NRG1: variants seen among roughly 807,000 people sequenced by gnomAD.
NRG1 encodes the protein neuregulin 1.
In NRG1, 18 loss-of-function variants were observed where a neutral mutation model predicts 63.8. The ratio of observed to expected loss-of-function variants is 0.28; its 90% CI spans 0.19 to 0.42. The LOEUF is 0.42. NRG1 is among the 10% of genes least tolerant of loss of function. NRG1 has a pLI of 1.00. For missense variants in NRG1, 762 were observed against 814.7 expected, an observed-to-expected ratio of 0.94 and a Z score of 0.79; for synonymous variants, 302 against 301.3, an observed-to-expected ratio of 1.00 and a Z score of -0.02.
intron 1 of NRG1, among the ~76,000 whole-genome samples, chr8:31,976,380 G>A (rs1046097730): frequency 6.6e-6 from 1 of 152,030 alleles, no homozygotes; most frequent in Non-Finnish European, 1.5e-5. Context: ...TACATATCTT[G>A]ATTAGCTAAT....
intron 1 of NRG1, among the ~76,000 whole-genome samples, chr8:32,151,164 G>A (rs1347061169): frequency 2.0e-5 from 3 of 152,054 alleles, no homozygotes; most frequent in Non-Finnish European, 4.4e-5. Context: ...ATGTACCAGG[G>A]AAAATAATGT....
chr8:32,160,368 C>A, intron 1 of NRG1, among the ~76,000 whole-genome samples: 1 of 152,200 alleles, frequency 6.6e-6, no homozygotes, highest in East Asian at 1.9e-4. Context: ...CCCCAGAGAT[C>A]ATTCTTATTT....
intron 1 of NRG1, among the ~76,000 whole-genome samples, chr8:31,854,589 G>A (rs1297071697): frequency 1.3e-5 from 2 of 151,888 alleles, no homozygotes; most frequent in Non-Finnish European, 2.9e-5. Flanking sequence ...TTTTTTGAAG[G>A]GTTTTTTGTG....
intron 1 of NRG1, among the ~76,000 whole-genome samples, chr8:32,348,907 G>A (rs1055708639): frequency 1.3e-5 from 2 of 152,212 alleles, no homozygotes; most frequent in Non-Finnish European, 2.9e-5. Context: ...TTTAAAAAAG[G>A]CCAATCAGAC....
chr8:31,821,975 A>T (rs552442889), intron 1 of NRG1, among the ~76,000 whole-genome samples: 1 of 152,248 alleles, frequency 6.6e-6, no homozygotes, highest in East Asian at 1.9e-4. Flanking sequence ...CTTTTTCTTT[A>T]TACATACACA....
chr8:32,122,595 G>A (rs1039181671), intron 1 of NRG1, among the ~76,000 whole-genome samples: 1 of 151,816 alleles, frequency 6.6e-6, no homozygotes, highest in African/African-American at 2.4e-5. Flanking sequence ...GAAGATTGTT[G>A]TTTGATTTGG....
At chr8:32,136,504 G>C (rs1835546006) in intron 1 of NRG1, among the ~76,000 whole-genome samples, 1 of 152,212 alleles carries the variant, frequency 6.6e-6, no homozygotes, top group East Asian at 1.9e-4. Context: ...ACTCTTCACA[G>C]ATAGTAGGCC....
chr8:32,589,880 A>T (rs1842221221), intron 1 of NRG1, among the ~76,000 whole-genome samples: 1 of 152,164 alleles, frequency 6.6e-6, no homozygotes, highest in Admixed American at 6.5e-5. Context: ...TCACCCATTA[A>T]ATTATTAGAA....
chr8:32,040,319 G>A (rs1819737144), intron 1 of NRG1, among the ~76,000 whole-genome samples: 1 of 152,068 alleles, frequency 6.6e-6, no homozygotes, highest in African/African-American at 2.4e-5. Flanking sequence ...AGCTACTCAA[G>A]GAATTGATTA....
chr8:31,855,202 A>G (rs905088796), intron 1 of NRG1, among the ~76,000 whole-genome samples: 40 of 152,152 alleles, frequency 2.6e-4, no homozygotes, highest in African/African-American at 8.7e-4. Context: ...GTCTAATGTT[A>G]ACAGTGGGGT....
chr8:31,744,548 C>T (rs758219126), intron 1 of NRG1, among the ~76,000 whole-genome samples: 6 of 151,822 alleles, frequency 4.0e-5, no homozygotes, highest in South Asian at 2.1e-4. Context: ...GCTCAGTTTC[C>T]GGTGGATTTA....
At chr8:32,520,667 G>A (rs1033274995) in intron 1 of NRG1, among the ~76,000 whole-genome samples, 4 of 152,226 alleles carry the variant, frequency 2.6e-5, no homozygotes, top group Admixed American at 2.6e-4. Context: ...CTCTGTGTGA[G>A]AATACAGTAG....
At chr8:32,268,459 T>C (rs961662568) in intron 1 of NRG1, among the ~76,000 whole-genome samples, 1 of 152,218 alleles carries the variant, frequency 6.6e-6, no homozygotes, top group African/African-American at 2.4e-5. Flanking sequence ...ATAGTGATGA[T>C]TGATGCTGAT....
At chr8:31,816,985 A>C (rs949541134) in intron 1 of NRG1, among the ~76,000 whole-genome samples, 6 of 152,236 alleles carry the variant, frequency 3.9e-5, no homozygotes, top group Admixed American at 6.5e-5. Context: ...TTGTTCAAAC[A>C]ATATTGAATA....
intron 1 of NRG1, among the ~76,000 whole-genome samples, chr8:31,876,501 T>C (rs1448082608): frequency 6.6e-6 from 1 of 152,170 alleles, no homozygotes; most frequent in African/African-American, 2.4e-5. Flanking sequence ...CTTGTAATAG[T>C]GAATAAAAAG....
intron 1 of NRG1, among the ~76,000 whole-genome samples, chr8:32,419,583 C>G (rs886134780): frequency 1.3e-5 from 2 of 152,174 alleles, no homozygotes; most frequent in Non-Finnish European, 2.9e-5. Flanking sequence ...AAAAAGAGGA[C>G]TGGGAGAGTG....
chr8:32,085,694 C>G (rs919967369), intron 1 of NRG1, among the ~76,000 whole-genome samples: 2 of 152,072 alleles, frequency 1.3e-5, no homozygotes, highest in South Asian at 4.1e-4. Context: ...TTAAATATGC[C>G]TCTAACTACA....
In NRG1 at chr8:32,576,105, TC is replaced by T. The variant is rs1182545441; in HGVS notation, c.101-19722del. Among the ~76,000 whole-genome samples the T allele has an allele frequency of 7.9e-5, 12 of 152,334 alleles. No homozygotes were observed. The East Asian group carries it at 2.3e-3, about 29-fold the overall frequency. On this transcript the variant is annotated intron_variant, in intron 1 of 11. Coordinates refer to ENST00000356819, the Ensembl canonical transcript of NRG1. ...AGCAAGCTATTTAGCATACGTGTCA[TC>T]ATCTCACATACCATTTGTTTGTGGT...
At position 32,584,277 on chromosome 8, in the gene NRG1, C is replaced by T. The variant is rs1347258684; in HGVS notation, c.101-11551C>T. 4.6e-5 allele frequency among the ~76,000 whole-genome samples: 7 copies of T among 152,110 alleles called. No individual in the cohort carries two copies. The East Asian group carries it at 9.6e-4, about 21-fold the overall frequency. On this transcript the variant is annotated intron_variant, in intron 1 of 11. Transcript: ENST00000356819. ...TGATTTTGGTTATTTTCCACCTCTTCAGCAAATTCATGTCACTGGGAACCC... is the reference window on the plus strand; with the variant it reads ...TGATTTTGGTTATTTTCCACCTCTTTAGCAAATTCATGTCACTGGGAACCC...
Sources: gnomAD v4.1 joint callset for allele counts (sites outside exome capture counted in the v4.1 genomes callset) on GRCh38, gnomAD v4.1.1 for gene constraint, MANE v1.5 for transcripts, NCBI Gene and HGNC (gene_info 2026-07-23, HGNC 2026-07-21) for gene names.